SYT1: variants seen among roughly 807,000 people sequenced by gnomAD.
SYT1 encodes synaptotagmin 1, also known as synaptotagmin-1.
Under a neutral mutation model 44.8 loss-of-function variants are expected in SYT1, and 8 were observed. That is an observed-to-expected ratio of 0.18 (90% CI 0.10 to 0.32). SYT1 has a LOEUF of 0.32. Ranked by LOEUF, SYT1 falls within the 10% of genes least tolerant of loss-of-function variation. The probability of loss-of-function intolerance (pLI) is 1.00; values close to 1 mark genes in which losing one functional copy is unlikely to be tolerated. For missense variants in SYT1, 286 were observed against 509.3 expected, an observed-to-expected ratio of 0.56 and a Z score of 4.22; for synonymous variants, 154 against 188.8, an observed-to-expected ratio of 0.82 and a Z score of 1.51.
chr12:78,969,764 G>C (rs1372202380), intron 1 of SYT1, among the ~76,000 whole-genome samples: 1 of 152,170 alleles, frequency 6.6e-6, no homozygotes, highest in African/African-American at 2.4e-5. Context: ...GTGAGCCACT[G>C]AAGATTTTAA....
intron 10 of SYT1, among the ~76,000 whole-genome samples, chr12:79,446,031 A>ATATT (rs1870714964): frequency 1.6e-5 from 2 of 127,142 alleles, no homozygotes; most frequent in Non-Finnish European, 3.3e-5. Context: ...ATATATATAT[A>ATATT]TATTATGCCT....
At chr12:79,373,410 G>A (rs765210865) in intron 9 of SYT1, among the ~76,000 whole-genome samples, 10 of 152,094 alleles carry the variant, frequency 6.6e-5, no homozygotes, top group South Asian at 2.1e-4. Context: ...TAAAGCAAAA[G>A]TAAACATTTT....
intron 2 of SYT1, among the ~76,000 whole-genome samples, chr12:79,006,762 G>T (rs895349597): frequency 6.6e-6 from 1 of 152,104 alleles, no homozygotes; most frequent in African/African-American, 2.4e-5. Flanking sequence ...AAAAGGGGAG[G>T]ATCCTGCAAC....
chr12:79,307,907 A>C (rs908754077), intron 8 of SYT1, among the ~76,000 whole-genome samples: 1 of 152,212 alleles, frequency 6.6e-6, no homozygotes, highest in African/African-American at 2.4e-5. Context: ...CAGATGGCAA[A>C]ATTGATGCCT....
chr12:79,147,004 C>T (rs1869960419), intron 3 of SYT1, among the ~76,000 whole-genome samples: 1 of 152,092 alleles, frequency 6.6e-6, no homozygotes, highest in Middle Eastern at 3.2e-3. Flanking sequence ...CCATGTCCGG[C>T]TAATTTTTGT....
At chr12:79,281,625 A>G (rs1004849746) in intron 4 of SYT1, among the ~76,000 whole-genome samples, 1 of 152,198 alleles carries the variant, frequency 6.6e-6, no homozygotes, top group African/African-American at 2.4e-5. Flanking sequence ...CGTTACTACT[A>G]TACAATTCAT....
chr12:78,981,523 T>G (rs1008714766), intron 2 of SYT1, among the ~76,000 whole-genome samples: 3 of 152,174 alleles, frequency 2.0e-5, no homozygotes, highest in Non-Finnish European at 2.9e-5. Context: ...TGGGCGAGCA[T>G]GCATGCTAAC....
chr12:79,077,862 A>C (rs951063239), intron 3 of SYT1, among the ~76,000 whole-genome samples: 2 of 152,146 alleles, frequency 1.3e-5, no homozygotes, highest in African/African-American at 4.8e-5. Flanking sequence ...GCCCTTTTTA[A>C]AAAATTGTAT....
At chr12:78,969,578 T>G (rs2137381303) in intron 1 of SYT1, among the ~76,000 whole-genome samples, 1 of 152,278 alleles carries the variant, frequency 6.6e-6, no homozygotes, top group Middle Eastern at 3.4e-3. Context: ...AGGATAGGAA[T>G]AAGTCAACTT....
intron 4 of SYT1, among the ~76,000 whole-genome samples, chr12:79,267,700 A>G (rs1878206739): frequency 1.3e-5 from 2 of 152,294 alleles, no homozygotes; most frequent in South Asian, 2.1e-4. Flanking sequence ...TAGCCTGTGA[A>G]TTGCCTTCAC....
At chr12:79,143,059 T>C (rs965782880) in intron 3 of SYT1, among the ~76,000 whole-genome samples, 1 of 152,000 alleles carries the variant, frequency 6.6e-6, no homozygotes, top group Non-Finnish European at 1.5e-5. Flanking sequence ...TCTAAGAAAA[T>C]CCTACATTTA....
chr12:78,914,685 C>T (rs771012726), intron 1 of SYT1, among the ~76,000 whole-genome samples: 1 of 151,836 alleles, frequency 6.6e-6, no homozygotes, highest in Admixed American at 6.6e-5. Context: ...GGTTCCTATA[C>T]CTTTTGATGT....
intron 9 of SYT1, among the ~76,000 whole-genome samples, chr12:79,377,416 C>T (rs774193431): frequency 3.5e-4 from 53 of 152,170 alleles, no homozygotes; most frequent in Non-Finnish European, 6.8e-4. Context: ...TGTTTATTTT[C>T]TAAATAGCTT....
rs1023048710 is a variant in SYT1 at position 79,347,048 on chromosome 12, T to C, written c.811-6454T>C. Among the ~76,000 whole-genome samples, 8 of 148,818 alleles carry C rather than the reference T, an allele frequency of 5.4e-5. No individual in the cohort carries two copies. The South Asian group carries it at 6.3e-4, about 12-fold the overall frequency. On this transcript the variant is annotated intron_variant, in intron 8 of 10. Transcript: ENST00000261205. ...TTTGTGTGTTTGTTTTTTCTTTTTT[T>C]TTTTTTTTTTGAACATGGACTAGGG...
chr12:79,290,493 C>T (rs931284544), intron 5 of SYT1, among the ~76,000 whole-genome samples: 4 of 152,102 alleles, frequency 2.6e-5, no homozygotes, highest in Admixed American at 6.6e-5. Flanking sequence ...GGAGGAACTG[C>T]GGTCTGATGA....
At chr12:79,055,917 A>G (rs181854374) in intron 3 of SYT1, among the ~76,000 whole-genome samples, 178 of 152,124 alleles carry the variant, frequency 1.2e-3, no homozygotes, top group Non-Finnish European at 2.0e-3. Flanking sequence ...GATGGACTGC[A>G]TATATAGCAG....
chr12:79,179,478 G>GAGATATAGATATATCTATAGAGATAT (rs1872330839), intron 3 of SYT1, among the ~76,000 whole-genome samples: 6 of 17,998 alleles, frequency 3.3e-4, no homozygotes, highest in Non-Finnish European at 6.8e-4. Flanking sequence ...TATAGATATA[G>GAGATATAGATATATCTATAGAGATAT]AGATATAGAT....
chr12:79,147,643 C>A (rs1054591842), intron 3 of SYT1, among the ~76,000 whole-genome samples: 9 of 152,012 alleles, frequency 5.9e-5, no homozygotes, highest in African/African-American at 2.2e-4. Flanking sequence ...CATTCAGTAC[C>A]AAATGCAAGT....
chr12:78,893,559 A>C (rs1321439016), intron 1 of SYT1, among the ~76,000 whole-genome samples: 1 of 151,782 alleles, frequency 6.6e-6, no homozygotes, highest in East Asian at 1.9e-4. Context: ...CTATAAGAGA[A>C]TATCCTGGAA....
Sources: gnomAD v4.1 joint callset for allele counts (sites outside exome capture counted in the v4.1 genomes callset) on GRCh38, gnomAD v4.1.1 for gene constraint, MANE v1.5 for transcripts, NCBI Gene and HGNC (gene_info 2026-07-23, HGNC 2026-07-21) for gene names.